Variants in PCDH9 observed in about 807,000 individuals in gnomAD.
PCDH9 encodes the protein protocadherin 9.
PCDH9 carries 24 observed loss-of-function variants against 70.6 expected under a neutral mutation model. The observed-to-expected ratio is 0.34, with a 90% CI of 0.25 to 0.48. The LOEUF (loss-of-function observed/expected upper bound fraction) is 0.48. PCDH9 is among the 20% of genes least tolerant of loss of function. PCDH9 has a pLI of 0.99. For missense variants in PCDH9, 1,281 were observed against 1,503.6 expected (o/e 0.85, Z 2.45); for synonymous variants, 562 against 558.5 (o/e 1.01, Z -0.09).
At chr13:66,516,185 T>C (rs1959725448) in intron 4 of PCDH9, among the ~76,000 whole-genome samples, 1 of 152,004 alleles carries the variant, frequency 6.6e-6, no homozygotes, top group Non-Finnish European at 1.5e-5. Flanking sequence ...AGATAAAACA[T>C]GTTAGGTTTA....
intron 3 of PCDH9, among the ~76,000 whole-genome samples, chr13:66,872,816 A>T (rs1160388140): frequency 1.3e-5 from 2 of 152,122 alleles, no homozygotes; most frequent in Non-Finnish European, 2.9e-5. Context: ...CTAGTTATAT[A>T]CATACTCAAA....
Position 67,125,113 on chromosome 13 carries a change from T to C in PCDH9, c.3036+100292A>G, listed in dbSNP as rs780284247. Reference sequence around the variant, plus strand: ...AGCCTGAGTTTCCTTGAATATAAAATTGGGAATGTTCAGAGATGTATGAGA... The same window carrying C: ...AGCCTGAGTTTCCTTGAATATAAAACTGGGAATGTTCAGAGATGTATGAGA... On this transcript the variant is annotated intron_variant, in intron 2 of 4. Coordinates refer to ENST00000377865, the MANE Select transcript of PCDH9 (RefSeq NM_203487.3). Among the ~76,000 whole-genome samples, 14 of 152,234 alleles carry C rather than the reference T, an allele frequency of 9.2e-5. No homozygotes were observed. The East Asian group carries it at 2.1e-3, about 23-fold the overall frequency.
intron 4 of PCDH9, among the ~76,000 whole-genome samples, chr13:66,482,653 C>T (rs1958862724): frequency 6.6e-6 from 1 of 152,182 alleles, no homozygotes; most frequent in African/African-American, 2.4e-5. Context: ...TGGACAACTC[C>T]AAGTATTGCA....
chr13:66,449,639 T>C (rs1282496446), intron 4 of PCDH9, among the ~76,000 whole-genome samples: 1 of 152,166 alleles, frequency 6.6e-6, no homozygotes, highest in Non-Finnish European at 1.5e-5. Flanking sequence ...TTTAAATACA[T>C]ATAAATGCAT....
chr13:66,525,605 C>T (rs1960180892), intron 4 of PCDH9, among the ~76,000 whole-genome samples: 1 of 152,106 alleles, frequency 6.6e-6, no homozygotes, highest in Admixed American at 6.6e-5. Context: ...TTTTAGCCCA[C>T]TTACTCATTC....
chr13:66,495,687 A>C (rs8002783), intron 4 of PCDH9, among the ~76,000 whole-genome samples: 131,263 of 152,160 alleles, frequency 0.86, 56,749 homozygotes, highest in East Asian at 1. Context: ...TGGGTAGAGA[A>C]CACACTGGTG....
chr13:66,807,551 T>C (rs2080430158), intron 3 of PCDH9, among the ~76,000 whole-genome samples: 1 of 152,190 alleles, frequency 6.6e-6, no homozygotes, highest in African/African-American at 2.4e-5. Flanking sequence ...TTTCCTAATC[T>C]GAAATGGGAA....
chr13:67,112,649 C>CCTTCCCTCCCTT (rs1555308454), intron 2 of PCDH9, among the ~76,000 whole-genome samples: 71 of 150,742 alleles, frequency 4.7e-4, no homozygotes, highest in African/African-American at 1.6e-3. Flanking sequence ...CTTTCTCTCT[C>CCTTCCCTCCCTT]CCTCCCTCCC....
intron 2 of PCDH9, among the ~76,000 whole-genome samples, chr13:67,080,305 TG>T (rs1366619965): frequency 6.6e-6 from 1 of 152,270 alleles, no homozygotes; most frequent in African/African-American, 2.4e-5. Flanking sequence ...CCTTAATTAT[TG>T]TTAAAACTCT....
chr13:67,227,402 T>C lies in PCDH9; in HGVS notation c.1039A>G (p.Asn347Asp). 1 of 1,613,606 alleles carries C rather than the reference T, an allele frequency of 6.2e-7. No individual in the cohort carries two copies. The highest frequency in any genetic ancestry group is 1.1e-5 in the South Asian group (1 of 91,074). ...GGGTTATCATTTACATCGGTGACAT[T>C]GATGGTAACCGTTGCTCGAGCAGGA... Reference protein sequence around the residue: ...STPARATVTINVTDVNDNPPN... With the variant: ...STPARATVTIDVTDVNDNPPN... Residue 347 changes from asparagine (N) to aspartate (D), a missense_variant, in exon 2 of 5, where the codon AAT becomes GAT. Asn to Asp is a conservative substitution (Grantham distance 23, BLOSUM62 1). Around this residue, in one of 4 missense-constraint regions of PCDH9, gnomAD observed 798 missense variants for 1,003.1 expected, o/e 0.80. Transcript: ENST00000377865. The surrounding 1 kb of genome is among the most constrained non-coding windows in gnomAD (Gnocchi z 4.6).
intron 3 of PCDH9, among the ~76,000 whole-genome samples, chr13:66,690,249 G>A (rs946552322): frequency 7.9e-5 from 12 of 151,980 alleles, no homozygotes; most frequent in Admixed American, 5.9e-4. Context: ...TCATCATCAC[G>A]ATATAGCAGG....
At chr13:67,000,665 T>C (rs2084225629) in intron 2 of PCDH9, among the ~76,000 whole-genome samples, 1 of 152,174 alleles carries the variant, frequency 6.6e-6, no homozygotes, top group Admixed American at 6.5e-5. Flanking sequence ...ATCATTCCTA[T>C]TCTTCAATCA....
chr13:67,125,257 T>A lies in PCDH9; in HGVS notation c.3036+100148A>T, dbSNP rs2086953949. On this transcript the variant is annotated intron_variant, in intron 2 of 4. Coordinates refer to ENST00000377865, the MANE Select transcript of PCDH9 (RefSeq NM_203487.3). ...GGGATGTGAATTTTGATCTGTGGTG[T>A]CATATGTTGTATCTCTGTTGTGACA... Among the ~76,000 whole-genome samples, 2 of 152,194 alleles carry A rather than the reference T, an allele frequency of 1.3e-5. 1 individual carries two copies. Among genetic ancestry groups the A allele is most frequent in the South Asian group, 4.1e-4 (2 of 4,830 alleles).
intron 4 of PCDH9, among the ~76,000 whole-genome samples, chr13:66,369,954 G>A (rs1956616627): frequency 6.6e-6 from 1 of 152,054 alleles, no homozygotes; most frequent in African/African-American, 2.4e-5. Context: ...CATATATTGG[G>A]TCAGAATTTC....
chr13:66,752,944 T>C (rs1046625508), intron 3 of PCDH9, among the ~76,000 whole-genome samples: 1 of 152,210 alleles, frequency 6.6e-6, no homozygotes, highest in Non-Finnish European at 1.5e-5. Flanking sequence ...CTAATTTTAA[T>C]GTGTTGTTGA....
chr13:66,720,133 A>T (rs1387908026), intron 3 of PCDH9, among the ~76,000 whole-genome samples: 1 of 151,844 alleles, frequency 6.6e-6, no homozygotes, highest in African/African-American at 2.4e-5. Flanking sequence ...ACCATTTCCT[A>T]GATTTCATCT....
At chr13:66,788,168 A>T (rs2080108414) in intron 3 of PCDH9, among the ~76,000 whole-genome samples, 1 of 152,160 alleles carries the variant, frequency 6.6e-6, no homozygotes, top group Non-Finnish European at 1.5e-5. Flanking sequence ...CCAGCATCTG[A>T]TGAGGGCCTT....
At chr13:66,464,093 A>T (rs1875943294) in intron 4 of PCDH9, among the ~76,000 whole-genome samples, 1 of 151,920 alleles carries the variant, frequency 6.6e-6, no homozygotes, top group Admixed American at 6.6e-5. Context: ...TTATTTTGTA[A>T]TATGAAATCA....
chr13:67,129,954 A>C (rs550863970), intron 2 of PCDH9, among the ~76,000 whole-genome samples: 28 of 152,272 alleles, frequency 1.8e-4, no homozygotes, highest in Non-Finnish European at 3.4e-4. Flanking sequence ...CATGAGAGTT[A>C]GACTTGGGAA....
Sources: gnomAD v4.1 joint callset for allele counts (sites outside exome capture counted in the v4.1 genomes callset) on GRCh38, gnomAD v4.1.1 for gene constraint, gnomAD v4.1.1 regional missense constraint, Gnocchi (gnomAD v3.1) non-coding constraint, MANE v1.5 for transcripts, NCBI Gene and HGNC (gene_info 2026-07-23, HGNC 2026-07-21) for gene names.